The following LMNTD1 variants were observed in gnomAD, a reference collection of about 807,000 sequenced individuals.
LMNTD1 encodes lamin tail domain containing 1, also known as lamin tail domain-containing protein 1.
Under a neutral mutation model 50.9 loss-of-function variants are expected in LMNTD1, and 35 were observed. The observed-to-expected ratio is 0.69, with a 90% confidence interval of 0.53 to 0.91. The LOEUF (loss-of-function observed/expected upper bound fraction) is 0.91. LMNTD1 is among the 40% of genes least tolerant of loss of function. The probability of loss-of-function intolerance (pLI) is 0.00; values close to 1 mark genes in which losing one functional copy is unlikely to be tolerated. For missense variants in LMNTD1, 470 were observed against 475.5 expected (o/e 0.99, Z 0.11); for synonymous variants, 153 against 161.9 (o/e 0.94, Z 0.42).
chr12:25,531,541 A>C (rs1942224075), intron 4 of LMNTD1, among the ~76,000 whole-genome samples: 2 of 152,148 alleles, frequency 1.3e-5, no homozygotes, highest in South Asian at 2.1e-4. Context: ...GGCTGACTTT[A>C]AGACTTTTTT....
At chr12:25,484,068 G>C (rs1439649261) in intron 9 of LMNTD1, among the ~76,000 whole-genome samples, 1 of 151,804 alleles carries the variant, frequency 6.6e-6, no homozygotes, top group African/African-American at 2.4e-5. Context: ...GTTAACTTTT[G>C]TGTTTTTCTT....
intron 6 of LMNTD1, among the ~76,000 whole-genome samples, chr12:25,523,324 G>A (rs543173935): frequency 5.9e-5 from 9 of 152,250 alleles, no homozygotes; most frequent in East Asian, 1.9e-4. Context: ...AAGCCACTGC[G>A]CTGGCCTAGG....
chr12:25,622,077 C>G (rs1946483179), intron 1 of LMNTD1, among the ~76,000 whole-genome samples: 1 of 152,110 alleles, frequency 6.6e-6, no homozygotes. Context: ...GCTGATGGAG[C>G]AAATGCTGGA....
intron 1 of LMNTD1, among the ~76,000 whole-genome samples, chr12:25,606,543 G>A (rs1101395): frequency 2.0e-5 from 3 of 152,016 alleles, no homozygotes; most frequent in East Asian, 1.9e-4. Flanking sequence ...TAGCATGAAG[G>A]GTTGTTGAAT....
At position 25,546,559 on chromosome 12, in the gene LMNTD1, C is replaced by G. The variant is rs1943448072; in HGVS notation, c.311-5G>C. The G allele has an allele frequency of 6.7e-7, 1 of 1,502,196 alleles. No individual in the cohort carries two copies. Among genetic ancestry groups the G allele is most frequent in the African/African-American group, 1.4e-5 (1 of 70,534 alleles). 93.1% of individuals were successfully genotyped at this position (1,502,196 alleles called of 1,614,324 possible). On this transcript the variant is annotated splice_region_variant and splice_polypyrimidine_tract_variant and intron_variant, in intron 3 of 9. Coordinates refer to ENST00000458174, the MANE Select transcript of LMNTD1 (RefSeq NM_001145728.2). ...GAACTGAGAAGGGGCTGGCATCTTT[C>G]AAGTAGACAGAAGAAAGAAGTAACC...
At chr12:25,616,391 A>G (rs1946354684) in intron 1 of LMNTD1, among the ~76,000 whole-genome samples, 2 of 152,224 alleles carry the variant, frequency 1.3e-5, no homozygotes, top group Non-Finnish European at 2.9e-5. Context: ...AACAACCTGG[A>G]TGAATCTCCA....
chr12:25,611,319 C>T (rs1303959254), intron 1 of LMNTD1, among the ~76,000 whole-genome samples: 1 of 152,134 alleles, frequency 6.6e-6, no homozygotes, highest in Non-Finnish European at 1.5e-5. Flanking sequence ...CATTACTAAT[C>T]AGTGCAAGAA....
At chr12:25,595,107 A>T (rs1306735544) in intron 1 of LMNTD1, among the ~76,000 whole-genome samples, 1 of 152,134 alleles carries the variant, frequency 6.6e-6, no homozygotes. Context: ...GACCTAAGAA[A>T]TGAGATAGAT....
intron 1 of LMNTD1, among the ~76,000 whole-genome samples, chr12:25,636,780 T>C (rs958739884): frequency 1.3e-5 from 2 of 152,134 alleles, no homozygotes; most frequent in Non-Finnish European, 2.9e-5. Flanking sequence ...GGTATATATA[T>C]ATATGATGGA....
intron 1 of LMNTD1, among the ~76,000 whole-genome samples, chr12:25,575,874 T>A (rs1944995591): frequency 1.3e-5 from 2 of 152,142 alleles, no homozygotes; most frequent in Non-Finnish European, 2.9e-5. Flanking sequence ...GTGTGTGTAA[T>A]GTTCTCCACC....
chr12:25,597,415 C>T (rs1176165811), intron 1 of LMNTD1, among the ~76,000 whole-genome samples: 1 of 151,998 alleles, frequency 6.6e-6, no homozygotes, highest in East Asian at 1.9e-4. Context: ...CAAAGAAGGT[C>T]ACTATATAAT....
chr12:25,568,973 G>A (rs1252760722), intron 1 of LMNTD1, among the ~76,000 whole-genome samples: 10 of 152,212 alleles, frequency 6.6e-5, no homozygotes, highest in South Asian at 2.1e-4. Context: ...ATATGAAGTC[G>A]GAGCCCTGAC....
chr12:25,639,540 C>A (rs970930111), intron 1 of LMNTD1, among the ~76,000 whole-genome samples: 4 of 151,990 alleles, frequency 2.6e-5, no homozygotes, highest in African/African-American at 9.7e-5. Context: ...ATACGAATAA[C>A]CAACAAGCAC....
intron 4 of LMNTD1, among the ~76,000 whole-genome samples, chr12:25,532,462 A>G (rs1437971244): frequency 6.6e-6 from 1 of 152,140 alleles, no homozygotes; most frequent in Non-Finnish European, 1.5e-5. Flanking sequence ...GAATCTTGAG[A>G]AAAACCTCTA....
At chr12:25,616,489 T>A (rs547674060) in intron 1 of LMNTD1, among the ~76,000 whole-genome samples, 2 of 152,186 alleles carry the variant, frequency 1.3e-5, no homozygotes, top group African/African-American at 4.8e-5. Context: ...ATGACAAAAT[T>A]ATGGAAATGA....
intron 4 of LMNTD1, 143 bp from the exon 5 acceptor site, chr12:25,527,098 T>G: frequency 2.0e-6 from 1 of 499,106 alleles, no homozygotes; most frequent in Admixed American, 3.8e-5. Context: ...GAATAGTATA[T>G]TTTGTAACCT....
chr12:25,592,049 A>C lies in LMNTD1; in HGVS notation c.59-45495T>G, dbSNP rs898781170. On this transcript the variant is annotated intron_variant, in intron 1 of 7. Transcript: ENST00000445693. Reference sequence around the variant, plus strand: ...AATTATAACGCCTAAGTTCTCTTGAATATCTAGAAAGCCTTCCCAAGAAGG... The same window carrying C: ...AATTATAACGCCTAAGTTCTCTTGACTATCTAGAAAGCCTTCCCAAGAAGG... 1.1e-4 allele frequency among the ~76,000 whole-genome samples: 16 copies of C among 152,316 alleles called. 1 individual carries two copies. The highest frequency in any genetic ancestry group is 3.8e-4 in the African/African-American group (16 of 41,578).
chr12:25,526,795 C>T lies in LMNTD1; in HGVS notation c.652G>A (p.Val218Ile), dbSNP rs149733853. Residue 218 changes from valine (V) to isoleucine (I), a missense_variant, in exon 5 of 10, where the codon GTA becomes ATA. Val to Ile is a conservative substitution (Grantham distance 29). Coordinates refer to ENST00000458174, the MANE Select transcript of LMNTD1 (RefSeq NM_001145728.2). ...GTTACTGTGGAATTTGCCTGCATTACGATGTTTGGAAGGAATCGGTACAAA... is the reference window on the plus strand; with the variant it reads ...GTTACTGTGGAATTTGCCTGCATTATGATGTTTGGAAGGAATCGGTACAAA... ...ISLYRFLPNIVMQANSTVTVW... is the reference protein window; with the variant it reads ...ISLYRFLPNIIMQANSTVTVW... 5.0e-3 allele frequency: 8,108 copies of T among 1,610,038 alleles called. 29 individuals are homozygous for T. The highest frequency in any genetic ancestry group is 6.0e-3 in the Non-Finnish European group (7,049 of 1,177,958).
intron 1 of LMNTD1, among the ~76,000 whole-genome samples, chr12:25,570,403 A>G (rs1944738309): frequency 1.3e-5 from 2 of 152,220 alleles, no homozygotes; most frequent in African/African-American, 2.4e-5. Flanking sequence ...TAGAACTTTG[A>G]AAGGTAGAGA....
Sources: allele counts gnomAD v4.1 joint callset (sites outside exome capture counted in the v4.1 genomes callset), GRCh38; gene constraint gnomAD v4.1.1; transcripts MANE v1.5; gene names NCBI Gene and HGNC (gene_info 2026-07-23, HGNC 2026-07-21).